Variants in NDRG3 observed in about 807,000 individuals in gnomAD.
NDRG3 encodes the protein protein NDRG3.
A neutral mutation model predicts 57.2 loss-of-function variants in NDRG3; 23 were observed. The ratio of observed to expected loss-of-function variants is 0.40; its 90% CI spans 0.29 to 0.57. The LOEUF (loss-of-function observed/expected upper bound fraction) is 0.57. Ranked by LOEUF, NDRG3 falls within the 20% of genes least tolerant of loss-of-function variation. The pLI, the probability that NDRG3 is intolerant of heterozygous loss-of-function variation, is 0.42. For synonymous variants in NDRG3, 132 were observed against 162.6 expected, an observed-to-expected ratio of 0.81 and a Z score of 1.43; for missense variants, 384 against 457.3, an observed-to-expected ratio of 0.84 and a Z score of 1.46.
chr20:36,658,642 T>C (rs1600851055), intron 13 of NDRG3, among the ~76,000 whole-genome samples: 1 of 152,162 alleles, frequency 6.6e-6, no homozygotes, highest in Non-Finnish European at 1.5e-5. Context: ...AAATCTACAG[T>C]AGTCCAAGTT....
intron 2 of NDRG3, among the ~76,000 whole-genome samples, chr20:36,716,491 C>T (rs1324514137): frequency 6.6e-6 from 1 of 150,842 alleles, no homozygotes; most frequent in Non-Finnish European, 1.5e-5. Context: ...CGAGATCATG[C>T]CACTGCACTC....
intron 12 of NDRG3, among the ~76,000 whole-genome samples, chr20:36,661,727 T>C (rs373830222): frequency 6.6e-6 from 1 of 152,160 alleles, no homozygotes; most frequent in East Asian, 1.9e-4. Flanking sequence ...CCACAGAAGG[T>C]GTCTGAAGTG....
intron 1 of NDRG3, among the ~76,000 whole-genome samples, chr20:36,740,393 C>G (rs1004010740): frequency 1.3e-5 from 2 of 152,242 alleles, no homozygotes; most frequent in African/African-American, 4.8e-5. Context: ...ATCACCCAGG[C>G]TGGAGTGCAA....
At chr20:36,677,272 C>T (rs756269890) in intron 8 of NDRG3, among the ~76,000 whole-genome samples, 4 of 152,160 alleles carry the variant, frequency 2.6e-5, no homozygotes, top group East Asian at 1.9e-4. Context: ...ATGAATGGAG[C>T]GGGACGCAGG....
chr20:36,732,755 C>T (rs151318703), intron 1 of NDRG3, among the ~76,000 whole-genome samples: 1 of 152,254 alleles, frequency 6.6e-6, no homozygotes, highest in Non-Finnish European at 1.5e-5. Flanking sequence ...GGAGGGTACA[C>T]TTGGCCTGAC....
intron 1 of NDRG3, among the ~76,000 whole-genome samples, chr20:36,743,701 C>T (rs1436108425): frequency 1.3e-5 from 2 of 149,332 alleles, no homozygotes; most frequent in Admixed American, 6.7e-5. Context: ...ACCTGTAGTC[C>T]CAGCTGCTCA....
chr20:36,700,489 A>G (rs1426702417), intron 3 of NDRG3: 1 of 532,276 alleles, frequency 1.9e-6, no homozygotes, highest in Admixed American at 1.9e-5. Context: ...AACAGCTTGA[A>G]AAAAACTCCA....
At chr20:36,666,137 CTT>C in intron 10 of NDRG3, 150 bp downstream of exon 10, 2 of 625,284 alleles carry the variant, frequency 3.2e-6, no homozygotes, top group Non-Finnish European at 5.7e-6. Context: ...TTTCCTCAAT[CTT>C]TGTCCATGTT....
intron 2 of NDRG3, among the ~76,000 whole-genome samples, chr20:36,716,162 A>T (rs1984260867): frequency 1.3e-5 from 2 of 152,026 alleles, no homozygotes; most frequent in Admixed American, 6.6e-5. Flanking sequence ...TCCCTCCTCT[A>T]GTTCTAACAC....
intron 13 of NDRG3, among the ~76,000 whole-genome samples, chr20:36,657,864 G>C (rs866991782): frequency 1.3e-5 from 2 of 152,190 alleles, no homozygotes; most frequent in South Asian, 2.1e-4. Flanking sequence ...TTTTCATGAA[G>C]TTTAGGAGCT....
chr20:36,733,549 C>G (rs1306525065), intron 1 of NDRG3, among the ~76,000 whole-genome samples: 4 of 151,830 alleles, frequency 2.6e-5, no homozygotes, highest in Non-Finnish European at 5.9e-5. Flanking sequence ...ATGGTGAAAC[C>G]CCGTCTCTAC....
intron 2 of NDRG3, among the ~76,000 whole-genome samples, chr20:36,709,991 C>T (rs1384804710): frequency 6.6e-6 from 1 of 151,976 alleles, no homozygotes; most frequent in Non-Finnish European, 1.5e-5. Flanking sequence ...ATAGTCTTTA[C>T]AGTTTGACCT....
intron 3 of NDRG3, among the ~76,000 whole-genome samples, chr20:36,706,244 G>C (rs1438692781): frequency 6.6e-6 from 1 of 152,118 alleles, no homozygotes; most frequent in African/African-American, 2.4e-5. Context: ...TCTGCATATT[G>C]TATTCATAAC....
At chr20:36,665,129 C>A in intron 11 of NDRG3, 32 bp from the exon 12 acceptor site, 3 of 1,612,022 alleles carry the variant, frequency 1.9e-6, no homozygotes, top group Non-Finnish European at 1.7e-6. Flanking sequence ...TGTCACTCAG[C>A]AAATAGGCAC....
intron 1 of NDRG3, among the ~76,000 whole-genome samples, chr20:36,728,105 G>A (rs1227920415): frequency 6.6e-6 from 1 of 151,588 alleles, no homozygotes; most frequent in East Asian, 2.0e-4. Flanking sequence ...CCAGGGTGGA[G>A]TGCAGTGGCA....
chr20:36,683,349 C>T (rs1484712620), intron 6 of NDRG3, among the ~76,000 whole-genome samples: 2 of 152,052 alleles, frequency 1.3e-5, no homozygotes, highest in Non-Finnish European at 2.9e-5. Context: ...GGCAGTGGCT[C>T]ACGCCTATGA....
intron 5 of NDRG3, among the ~76,000 whole-genome samples, chr20:36,685,693 CA>C (rs1356141733): frequency 5.9e-5 from 9 of 152,272 alleles, no homozygotes; most frequent in African/African-American, 2.2e-4. Flanking sequence ...GGAACAGACC[CA>C]GATCAGAATT....
At chr20:36,658,063 G>C (rs1600850275) in intron 13 of NDRG3, among the ~76,000 whole-genome samples, 1 of 152,044 alleles carries the variant, frequency 6.6e-6, no homozygotes, top group East Asian at 1.9e-4. Context: ...GTTATTGTAG[G>C]GTTTAGTTTT....
Position 36,652,162 on chromosome 20 carries a change from C to T in NDRG3, c.*1358G>A, listed in dbSNP as rs1288828029. The stretch of plus-strand genomic sequence containing the variant: ...GAGCAATGACTCATGCCTGTAATCC[C>T]AGCACTTTGGGAGGCTGAGGCAGGT... On this transcript the variant is annotated 3_prime_UTR_variant, in exon 16 of 16. Coordinates refer to ENST00000349004, the MANE Select transcript of NDRG3 (RefSeq NM_032013.4). 1 of 152,224 alleles carries T rather than the reference C, an allele frequency of 6.6e-6. No individual in the cohort carries two copies. The highest frequency in any genetic ancestry group is 2.4e-5 in the African/African-American group (1 of 41,438). 9.4% of individuals were successfully genotyped at this position (152,224 alleles called of 1,614,324 possible).
Sources: gnomAD v4.1 joint callset for allele counts (sites outside exome capture counted in the v4.1 genomes callset) on GRCh38, gnomAD v4.1.1 for gene constraint, MANE v1.5 for transcripts, NCBI Gene and HGNC (gene_info 2026-07-23, HGNC 2026-07-21) for gene names.